NCAM1: variants seen among roughly 807,000 people sequenced by gnomAD.
NCAM1 encodes the protein antigen recognized by monoclonal antibody 5.1H11.
NCAM1 carries 14 observed loss-of-function variants against 109.8 expected under a neutral mutation model. The observed-to-expected ratio is 0.13, with a 90% CI of 0.08 to 0.20. The LOEUF (loss-of-function observed/expected upper bound fraction) is 0.20. Ranked by LOEUF, NCAM1 falls within the 10% of genes least tolerant of loss-of-function variation. The pLI is 1.00. For missense variants in NCAM1, 774 were observed against 1,109.9 expected (o/e 0.70, Z 4.30); for synonymous variants, 418 against 442.9 (o/e 0.94, Z 0.70).
intron 1 of NCAM1, among the ~76,000 whole-genome samples, chr11:113,010,575 T>G (rs912536452): frequency 2.6e-5 from 4 of 152,236 alleles, no homozygotes; most frequent in African/African-American, 7.2e-5. Context: ...AGAATAATTG[T>G]TCTTATAGAA....
intron 10 of NCAM1, among the ~76,000 whole-genome samples, 152 bp downstream of exon 10, chr11:113,231,947 C>T (rs1945022701): frequency 6.6e-6 from 1 of 152,128 alleles, no homozygotes; most frequent in South Asian, 2.1e-4. Flanking sequence ...GCTCTGTTCC[C>T]AAGCCACCCC....
intron 1 of NCAM1, among the ~76,000 whole-genome samples, chr11:113,081,810 A>G (rs1043171391): frequency 7.9e-5 from 12 of 152,228 alleles, no homozygotes; most frequent in African/African-American, 2.9e-4. Flanking sequence ...TTGGGACTAC[A>G]GGCGTGAGCC....
intron 19 of NCAM1, among the ~76,000 whole-genome samples, chr11:113,272,410 A>G (rs542423078): frequency 4.1e-4 from 62 of 152,198 alleles, no homozygotes; most frequent in Admixed American, 5.9e-4. Context: ...GAACCACAAA[A>G]TCTGTGACTG....
intron 1 of NCAM1, among the ~76,000 whole-genome samples, chr11:113,130,540 A>G (rs773876772): frequency 4.6e-5 from 7 of 152,220 alleles, no homozygotes; most frequent in Non-Finnish European, 8.8e-5. Flanking sequence ...GTGAGTTTGA[A>G]AAGAAATTTG....
At chr11:113,228,816 A>G (rs1162779561) in intron 9 of NCAM1, among the ~76,000 whole-genome samples, 2 of 152,226 alleles carry the variant, frequency 1.3e-5, no homozygotes, top group African/African-American at 4.8e-5. Context: ...AAACCTGACA[A>G]AAACAAGCAA....
intron 1 of NCAM1, among the ~76,000 whole-genome samples, chr11:113,137,949 G>A (rs1376396268): frequency 3.3e-5 from 5 of 152,050 alleles, no homozygotes; most frequent in Admixed American, 6.6e-5. Context: ...TTAGATGTCC[G>A]TAGCATACTT....
intron 1 of NCAM1, among the ~76,000 whole-genome samples, chr11:113,052,433 C>T (rs1035409254): frequency 8.5e-5 from 13 of 152,250 alleles, no homozygotes; most frequent in Middle Eastern, 3.4e-3. Flanking sequence ...AGAAGCCTAG[C>T]AGCAGTCCCT....
intron 1 of NCAM1, among the ~76,000 whole-genome samples, chr11:113,055,260 C>A (rs1555082354): frequency 6.6e-6 from 1 of 152,074 alleles, no homozygotes; most frequent in African/African-American, 2.4e-5. Context: ...TAAGGCTCTG[C>A]CTCCTAGGCC....
At chr11:113,025,427 C>T (rs1459403337) in intron 1 of NCAM1, among the ~76,000 whole-genome samples, 1 of 151,914 alleles carries the variant, frequency 6.6e-6, no homozygotes, top group Non-Finnish European at 1.5e-5. Context: ...ACAGTGGTAA[C>T]CTATAAATTA....
intron 1 of NCAM1, among the ~76,000 whole-genome samples, chr11:113,007,909 A>G (rs1207199381): frequency 6.6e-6 from 1 of 152,188 alleles, no homozygotes; most frequent in Non-Finnish European, 1.5e-5. Context: ...TTGTTCTGAT[A>G]TTTTCTTTTG....
In NCAM1 at chr11:113,278,216, T is replaced by G. The variant is rs1390481858; in HGVS notation, c.*2829T>G. 3 of 152,128 alleles carry G rather than the reference T, an allele frequency of 2.0e-5. No homozygotes were observed. Among genetic ancestry groups the G allele is most frequent in the Non-Finnish European group, 4.4e-5 (3 of 68,030 alleles). 9.4% of individuals were successfully genotyped at this position (152,128 alleles called of 1,614,324 possible). On this transcript the variant is annotated 3_prime_UTR_variant, in exon 20 of 20. Coordinates refer to ENST00000316851, the MANE Select transcript of NCAM1 (RefSeq NM_181351.5). ...AGTCCCAGGTTTTCACTTGAGGCTG[T>G]CTGTCTGGATGGCGGTTTTCAGACC...
At chr11:113,145,673 G>A (rs782763697) in intron 1 of NCAM1, among the ~76,000 whole-genome samples, 1 of 152,072 alleles carries the variant, frequency 6.6e-6, no homozygotes, top group South Asian at 2.1e-4. Flanking sequence ...TGTAAAGAAG[G>A]GTTTCTATTT....
Position 113,220,630 on chromosome 11 carries a change from CAG to C in NCAM1, c.1060-663_1060-662del, listed in dbSNP as rs557972056. Among the ~76,000 whole-genome samples the C allele has an allele frequency of 6.8e-3, 390 of 57,330 alleles. 6 individuals carry two copies. The highest frequency in any genetic ancestry group is 0.059 in the African/African-American group (373 of 6,346). 37.6% of individuals were successfully genotyped at this position (57,330 alleles called of 152,430 possible). On this transcript the variant is annotated intron_variant, in intron 8 of 19. Transcript: ENST00000316851. The stretch of plus-strand genomic sequence containing the variant: ...TTTTTTTTTTTTTTTTTTTTTGAGA[CAG>C]AGTCTCACTCTGTTGCCCAGGCTGG...
intron 1 of NCAM1, among the ~76,000 whole-genome samples, chr11:113,129,638 C>T (rs945085404): frequency 1.3e-5 from 2 of 152,146 alleles, no homozygotes; most frequent in African/African-American, 4.8e-5. Context: ...CTCCTTAGAA[C>T]TGATCTTTCT....
intron 1 of NCAM1, among the ~76,000 whole-genome samples, chr11:113,177,793 A>G (rs1168844023): frequency 6.6e-6 from 1 of 152,038 alleles, no homozygotes; most frequent in African/African-American, 2.4e-5. Flanking sequence ...TCAGATTTCA[A>G]TAGAGCCTGG....
chr11:113,017,380 G>T (rs1555075448), intron 1 of NCAM1, among the ~76,000 whole-genome samples: 1 of 152,162 alleles, frequency 6.6e-6, no homozygotes, highest in African/African-American at 2.4e-5. Context: ...TCTTTAGAAT[G>T]TATTTTTGAA....
At chr11:113,151,972 G>T (rs1281960269) in intron 1 of NCAM1, among the ~76,000 whole-genome samples, 3 of 152,202 alleles carry the variant, frequency 2.0e-5, no homozygotes, top group Non-Finnish European at 4.4e-5. Context: ...GATGGAGGAG[G>T]CACACTGGGC....
rs1289527147 is a variant in NCAM1 at position 113,004,022 on chromosome 11, G to A, written c.52+42358G>A. ...CTTCGTTGTGAATACGTCAGGGAGA[G>A]GAGAAGATGACAAATCATTGTTGCG... On this transcript the variant is annotated intron_variant, in intron 1 of 19. Transcript: ENST00000316851. Among the ~76,000 whole-genome samples the A allele has an allele frequency of 3.5e-5, 4 of 113,834 alleles. No homozygotes were observed. In the East Asian group the frequency reaches 1.0e-3, roughly 29 times the overall value. 74.7% of individuals were successfully genotyped at this position (113,834 alleles called of 152,430 possible).
intron 1 of NCAM1, among the ~76,000 whole-genome samples, chr11:113,068,051 C>T (rs1938058568): frequency 1.3e-5 from 2 of 151,904 alleles, no homozygotes; most frequent in Admixed American, 6.6e-5. Context: ...GCTGGGACTA[C>T]GGGCACCCGC....
Sources: allele counts gnomAD v4.1 joint callset (sites outside exome capture counted in the v4.1 genomes callset), GRCh38; gene constraint gnomAD v4.1.1; transcripts MANE v1.5; gene names NCBI Gene and HGNC (gene_info 2026-07-23, HGNC 2026-07-21).